Variants in AFM observed in about 807,000 individuals in gnomAD.
AFM encodes afamin, also known as alpha-Alb.
In AFM, 82 loss-of-function variants were observed where a neutral mutation model predicts 68.7. The observed-to-expected ratio is 1.19, with a 90% CI of 1.00 to 1.43. The LOEUF is 1.43. Among genes scored for constraint, AFM ranks in the 40% most tolerant of loss-of-function variants. AFM has a pLI of 0.00. For missense variants in AFM, 772 were observed against 701.8 expected (o/e 1.10, Z -1.13); for synonymous variants, 250 against 234.2 (o/e 1.07, Z -0.61).
chr4:73,488,732 GGA>G lies in AFM; in HGVS notation c.817_818del (p.Asp273CysfsTer7). On this transcript the variant is annotated frameshift_variant, in exon 7 of 15. Transcript: ENST00000226355. LOFTEE classifies it high-confidence loss of function. ...SSNYDGCCEG[D>X]VVQCIRDTSK... ...CCAACTATGATGGATGCTGTGAAGG[GGA>G]TGTTGTGCAGTGCATCCGTGACACG... The G allele has an allele frequency of 6.2e-7, 1 of 1,612,738 alleles. No homozygotes were observed. Among genetic ancestry groups the G allele is most frequent in the Admixed American group, 1.7e-5 (1 of 59,778 alleles).
At position 73,499,235 on chromosome 4, in the gene AFM, G is replaced by T. The variant is rs758100396; in HGVS notation, c.1411G>T (p.Val471Phe). 1.2e-6 allele frequency: 2 copies of T among 1,603,632 alleles called. No homozygotes were observed. The highest frequency in any genetic ancestry group is 1.7e-6 in the Non-Finnish European group (2 of 1,174,424). The change falls in exon 11 of 15, where the codon GTT (valine) becomes TTT (phenylalanine). Residue 471 changes from valine (V) to phenylalanine (F), a missense_variant. Val to Phe is a conservative substitution (Grantham distance 50, BLOSUM62 -1). Transcript: ENST00000226355. ...TACGCTAAGTGAAGAGTTTGCCTGT[G>T]TTGATAATTTGGTGAGCATGGCCTG... ...CCTLSEEFAC[V>F]DNLADLVFGE...
At chr4:73,484,475 T>TTTC (rs1281988723) in intron 3 of AFM, 85 bp downstream of exon 3, 5 of 604,556 alleles carry the variant, frequency 8.3e-6, no homozygotes, top group African/African-American at 4.1e-5. Context: ...TCTTTCTTTC[T>TTTC]TTCTTTCTTT....
rs1720804218 is a variant in AFM, at chr4:73,484,359, A to C, written c.239A>C (p.Asp80Ala). The part of the protein sequence containing the change: ...MVEYKDRCMA[D>A]KTLPECSKLP... ...GAATACAAAGACAGATGTATGGCTG[A>C]CAAGACGCTCCCAGAGTGTTCAAAA... The change falls in exon 3 of 15, where the codon GAC becomes GCC. Residue 80 changes from aspartate (D) to alanine (A), a missense_variant. By Grantham distance (126) the Asp-to-Ala change is moderately radical (BLOSUM62 -2). Coordinates refer to ENST00000226355, the MANE Select transcript of AFM (RefSeq NM_001133.2). The C allele has an allele frequency of 6.2e-7, 1 of 1,611,778 alleles. No homozygotes were observed. The highest frequency in any genetic ancestry group is 1.3e-5 in the African/African-American group (1 of 74,908).
chr4:73,481,899 C>A, intron 1 of AFM, 36 bp downstream of exon 1: 1 of 1,348,868 alleles, frequency 7.4e-7, no homozygotes, highest in Non-Finnish European at 1.0e-6. Flanking sequence ...TAAAGCATGA[C>A]CAGTTAGGAT....
intron 8 of AFM, among the ~76,000 whole-genome samples, chr4:73,493,093 G>A (rs1258249018): frequency 6.6e-6 from 1 of 152,128 alleles, no homozygotes; most frequent in Non-Finnish European, 1.5e-5. Flanking sequence ...AAGAAATTTT[G>A]GTAATCTAGA....
Position 73,489,306 on chromosome 4 carries a change from G to T in AFM, c.843+547G>T, listed in dbSNP as rs192450725. Among the ~76,000 whole-genome samples, 3 of 145,372 alleles carry T rather than the reference G, an allele frequency of 2.1e-5. No homozygotes were observed. In the Admixed American group the frequency reaches 2.1e-4, roughly 10 times the overall value. On this transcript the variant is annotated intron_variant, in intron 7 of 14. Transcript: ENST00000226355. Reference sequence around the variant, plus strand: ...CCTTTTCCCTTTCATTTCTTTCCACGTTCCCTTTCCTTTCTGGCCTTTAAC... The same window carrying T: ...CCTTTTCCCTTTCATTTCTTTCCACTTTCCCTTTCCTTTCTGGCCTTTAAC...
intron 6 of AFM, among the ~76,000 whole-genome samples, 181 bp from the exon 7 acceptor site, chr4:73,488,449 G>T (rs534667381): frequency 7.9e-5 from 12 of 152,014 alleles, no homozygotes; most frequent in African/African-American, 2.9e-4. Context: ...ATCACCCTAA[G>T]ATTTTCAAAG....
At chr4:73,501,765 A>G (rs1330253303) in intron 12 of AFM, 22 bp from the exon 13 acceptor site, 1 of 1,603,990 alleles carries the variant, frequency 6.2e-7, no homozygotes, top group Non-Finnish European at 8.5e-7. Context: ...AATTAATTTT[A>G]TTTGACATCT....
chr4:73,502,902 AC>A, intron 13 of AFM, 147 bp from the exon 14 acceptor site: 1 of 774,426 alleles, frequency 1.3e-6, no homozygotes, highest in South Asian at 1.8e-5. Flanking sequence ...CTATTTTTTC[AC>A]TAGAAGAAAG....
intron 10 of AFM, among the ~76,000 whole-genome samples, chr4:73,498,430 C>T (rs190355751): frequency 7.5e-4 from 114 of 152,192 alleles, no homozygotes; most frequent in Admixed American, 1.1e-3. Flanking sequence ...GGGCTACAGA[C>T]GTGAGCCACC....
chr4:73,484,074 T>TA, intron 2 of AFM, 85 bp downstream of exon 2: 1 of 1,383,680 alleles, frequency 7.2e-7, no homozygotes, highest in South Asian at 1.5e-5. Flanking sequence ...GTAATTTAAC[T>TA]AAATAGAAGC....
chr4:73,493,360 T>C (rs1721151573), intron 8 of AFM, among the ~76,000 whole-genome samples: 1 of 152,176 alleles, frequency 6.6e-6, no homozygotes, highest in African/African-American at 2.4e-5. Context: ...TCCCATTCAA[T>C]GTGAAAAAGT....
Position 73,497,752 on chromosome 4 carries a change from A to C in AFM, c.1289+3A>C. On this transcript the variant is annotated splice_donor_region_variant and intron_variant, in intron 10 of 14. Coordinates refer to ENST00000226355, the MANE Select transcript of AFM (RefSeq NM_001133.2). ...GGGAAGGATGGTTTGAAATACCAGT[A>C]TGTTGTTTGCACAAGTGGGCTAACA... 6.4e-7 allele frequency: 1 copy of C among 1,572,638 alleles called. No individual in the cohort carries two copies. The highest frequency in any genetic ancestry group is 8.7e-7 in the Non-Finnish European group (1 of 1,148,580).
chr4:73,485,889 G>C lies in AFM; in HGVS notation c.298G>C (p.Ala100Pro). Residue 100 changes from alanine (A) to proline (P), a missense_variant, in exon 4 of 15, where the codon GCT (alanine) becomes CCT (proline). Ala to Pro is a conservative substitution (Grantham distance 27). Transcript: ENST00000226355. ...TAATGTTTTACAGGAAAAAATATGT[G>C]CTATGGAGGGGCTGCCACAAAAGCA... Reference protein sequence around the residue: ...PNNVLQEKICAMEGLPQKHNF... With the variant: ...PNNVLQEKICPMEGLPQKHNF... 6.2e-7 allele frequency: 1 copy of C among 1,613,964 alleles called. No individual in the cohort carries two copies. The highest frequency in any genetic ancestry group is 2.2e-5 in the East Asian group (1 of 44,876).
At chr4:73,491,230 A>G (rs1721062324) in intron 7 of AFM, among the ~76,000 whole-genome samples, 1 of 152,178 alleles carries the variant, frequency 6.6e-6, no homozygotes, top group African/African-American at 2.4e-5. Flanking sequence ...AACTGGGGCA[A>G]TTGGTAGGGA....
chr4:73,485,696 G>A (rs1171358507), intron 3 of AFM, among the ~76,000 whole-genome samples, 166 bp from the exon 4 acceptor site: 1 of 143,202 alleles, frequency 7.0e-6, no homozygotes, highest in African/African-American at 2.6e-5. Flanking sequence ...GAAGGAGGGG[G>A]GGAAGGGAAG....
intron 3 of AFM, 100 bp downstream of exon 3, chr4:73,484,490 CTTTCTTTCT>C: frequency 1.3e-6 from 1 of 791,870 alleles, no homozygotes; most frequent in Non-Finnish European, 1.8e-6. Context: ...TTCTTTCTTT[CTTTCTTTCT>C]TTCTTTCATT....
At position 73,487,814 on chromosome 4, in the gene AFM, C is replaced by CACTTTATG; in HGVS notation, c.707_713+1dup. 1 of 1,595,402 alleles carries CACTTTATG rather than the reference C, an allele frequency of 6.3e-7. No homozygotes were observed. Among genetic ancestry groups the CACTTTATG allele is most frequent in the Non-Finnish European group, 8.6e-7 (1 of 1,163,324 alleles). ...TTTGAAATTTGGAACCAAAGTTGTA[C>CACTTTATG]ACTTTATGTGAGTTTTATACTATAT... On this transcript the variant is annotated frameshift_variant, in exon 6 of 15. Coordinates refer to ENST00000226355, the MANE Select transcript of AFM (RefSeq NM_001133.2). LOFTEE classifies it high-confidence loss of function.
Position 73,497,683 on chromosome 4 carries a change from GC to G in AFM, c.1225del (p.Leu409SerfsTer19), listed in dbSNP as rs777514733. 4 of 1,608,904 alleles carry G rather than the reference GC, an allele frequency of 2.5e-6. No homozygotes were observed. In the South Asian group the frequency reaches 3.3e-5, roughly 13 times the overall value. On this transcript the variant is annotated frameshift_variant, in exon 10 of 15. Coordinates refer to ENST00000226355, the MANE Select transcript of AFM (RefSeq NM_001133.2). LOFTEE classifies it high-confidence loss of function. The part of the protein sequence containing the change: ...EDKFNETTEK[S>X]LKMVQQECKH... ...AAATTCAATGAGACAACTGAGAAAA[GC>G]CTCAAGATGGTACAACAAGAATGTA...
Sources: allele counts gnomAD v4.1 joint callset (sites outside exome capture counted in the v4.1 genomes callset), GRCh38; gene constraint gnomAD v4.1.1; transcripts MANE v1.5; gene names NCBI Gene and HGNC (gene_info 2026-07-23, HGNC 2026-07-21).